Variants in PCSK5 observed in about 807,000 individuals in gnomAD.
PCSK5 encodes prohormone convertase 5.
A neutral mutation model predicts 233.2 loss-of-function variants in PCSK5; 129 were observed. That is an observed-to-expected ratio of 0.55 (90% CI 0.48 to 0.64). The LOEUF (loss-of-function observed/expected upper bound fraction) is 0.64, where lower values mean the gene tolerates loss of function less well. PCSK5 is among the 30% of genes least tolerant of loss of function. The pLI is 0.00. For synonymous variants in PCSK5, 825 were observed against 879.2 expected, an observed-to-expected ratio of 0.94 and a Z score of 1.09; for missense variants, 2,076 against 2,430.1, an observed-to-expected ratio of 0.85 and a Z score of 3.06.
intron 5 of PCSK5, among the ~76,000 whole-genome samples, chr9:76,041,623 C>G (rs571184098): frequency 6.6e-6 from 1 of 152,004 alleles, no homozygotes; most frequent in Non-Finnish European, 1.5e-5. Context: ...GGGCGGATCA[C>G]GAGGTCAAGA....
At chr9:75,992,251 T>C (rs1826799597) in intron 3 of PCSK5, among the ~76,000 whole-genome samples, 1 of 152,332 alleles carries the variant, frequency 6.6e-6, no homozygotes, top group Admixed American at 6.5e-5. Context: ...CGAAATACAT[T>C]GAGGGGTTTC....
In PCSK5 at chr9:76,027,047, A is replaced by C. The variant is rs746672073; in HGVS notation, c.632+10A>C. The C allele has an allele frequency of 1.4e-5, 22 of 1,586,518 alleles. No individual in the cohort carries two copies. The highest frequency in any genetic ancestry group is 3.3e-4 in the Middle Eastern group (2 of 6,018). On this transcript the variant is annotated intron_variant, in intron 5 of 37. Coordinates refer to ENST00000674117, the MANE Select transcript of PCSK5 (RefSeq NM_001372043.1). ...CAAGCAACGAGAACAAGTAAGGCCC[A>C]AGTGAGGGGTGGCTGGCATGTGGCT...
chr9:76,341,045 T>A (rs1317248284), intron 35 of PCSK5, among the ~76,000 whole-genome samples: 1 of 138,396 alleles, frequency 7.2e-6, no homozygotes, highest in Non-Finnish European at 1.6e-5. Context: ...CGAAATCCTG[T>A]TTCTACAGAA....
intron 9 of PCSK5, among the ~76,000 whole-genome samples, chr9:76,127,872 CAG>C (rs899386811): frequency 1.7e-5 from 2 of 115,978 alleles, no homozygotes; most frequent in African/African-American, 5.7e-5. Context: ...GCTGAGGAAA[CAG>C]AGACTTTCAA....
intron 2 of PCSK5, among the ~76,000 whole-genome samples, chr9:75,947,670 C>T (rs546122389): frequency 1.3e-5 from 2 of 152,280 alleles, no homozygotes; most frequent in South Asian, 4.2e-4. Flanking sequence ...CAGACTTACT[C>T]CTGGCAGTCA....
In PCSK5 at chr9:76,188,561, C is replaced by T. The variant is rs1351933103; in HGVS notation, c.2283-17C>T. 3.8e-6 allele frequency: 6 copies of T among 1,580,076 alleles called. No homozygotes were observed. The highest frequency in any genetic ancestry group is 3.3e-5 in the South Asian group (3 of 90,498). On this transcript the variant is annotated splice_polypyrimidine_tract_variant and intron_variant, in intron 17 of 37. Coordinates refer to ENST00000674117, the MANE Select transcript of PCSK5 (RefSeq NM_001372043.1). ...ATCACAACAGTCTGTTTGAAGCTCC[C>T]TTTATACTTCTTCCAGCCTGCAGGG... is the stretch of plus-strand genomic sequence containing the variant.
At chr9:76,172,898 T>A (rs969050371) in intron 13 of PCSK5, among the ~76,000 whole-genome samples, 1 of 152,132 alleles carries the variant, frequency 6.6e-6, no homozygotes, top group African/African-American at 2.4e-5. Context: ...AAACCATACA[T>A]AAACCGATTG....
At chr9:76,195,535 A>C (rs531590579) in intron 20 of PCSK5, 2 of 152,328 alleles carry the variant, frequency 1.3e-5, no homozygotes, top group African/African-American at 4.8e-5. Flanking sequence ...TCTACATAAC[A>C]TTATTAACTA....
At chr9:76,179,724 C>T (rs753885439) in intron 15 of PCSK5, 26 bp downstream of exon 15, 2 of 1,481,250 alleles carry the variant, frequency 1.4e-6, no homozygotes, top group East Asian at 2.3e-5. Context: ...AGTCACATCC[C>T]CACAGCATGT....
chr9:76,065,396 A>C (rs1313124037), intron 5 of PCSK5, among the ~76,000 whole-genome samples: 1 of 152,058 alleles, frequency 6.6e-6, no homozygotes, highest in Non-Finnish European at 1.5e-5. Flanking sequence ...GCTGATTTGC[A>C]TTTCCCAGAT....
chr9:76,078,923 A>AT (rs1208857799), intron 7 of PCSK5, among the ~76,000 whole-genome samples: 2 of 152,196 alleles, frequency 1.3e-5, no homozygotes, highest in Non-Finnish European at 2.9e-5. Flanking sequence ...CAGTGTGGCC[A>AT]TTTTAACAAT....
intron 21 of PCSK5, among the ~76,000 whole-genome samples, chr9:76,231,402 G>A (rs1271600547): frequency 1.3e-5 from 2 of 152,148 alleles, no homozygotes; most frequent in African/African-American, 4.8e-5. Flanking sequence ...AAATGACAGT[G>A]CCTAGTGCCA....
chr9:76,098,905 AG>A (rs1831644671), intron 8 of PCSK5, among the ~76,000 whole-genome samples: 2 of 152,184 alleles, frequency 1.3e-5, no homozygotes, highest in Admixed American at 1.3e-4. Context: ...CTCCCATGGC[AG>A]GGGTGTCATT....
chr9:76,251,439 CT>C (rs1296399215), intron 24 of PCSK5, among the ~76,000 whole-genome samples: 1 of 151,676 alleles, frequency 6.6e-6, no homozygotes, highest in East Asian at 1.9e-4. Flanking sequence ...TGGCACGCAC[CT>C]GTAATCCCAG....
At chr9:75,932,341 C>CT (rs757546069) in intron 1 of PCSK5, 38 bp from the exon 2 acceptor site, 96 of 1,269,056 alleles carry the variant, frequency 7.6e-5, no homozygotes, top group African/African-American at 8.9e-5. Flanking sequence ...ACATTAATGT[C>CT]TTTTTTTTGT....
chr9:76,193,351 G>A (rs1373112071), intron 20 of PCSK5: 3 of 1,606,976 alleles, frequency 1.9e-6, no homozygotes, highest in East Asian at 2.2e-5. Context: ...TTTCAAGGCT[G>A]AGCAGCCATC....
chr9:76,004,300 A>G (rs1827386589), intron 3 of PCSK5, among the ~76,000 whole-genome samples: 1 of 152,028 alleles, frequency 6.6e-6, no homozygotes, highest in Non-Finnish European at 1.5e-5. Context: ...TTTTTAGCAT[A>G]AAATCTACCT....
At chr9:76,039,932 A>G (rs1189585121) in intron 5 of PCSK5, among the ~76,000 whole-genome samples, 1 of 152,238 alleles carries the variant, frequency 6.6e-6, no homozygotes, top group African/African-American at 2.4e-5. Flanking sequence ...CTCGAATGGC[A>G]TTAGCGCCTC....
chr9:75,935,243 A>G (rs1014378188), intron 2 of PCSK5, among the ~76,000 whole-genome samples: 5 of 151,900 alleles, frequency 3.3e-5, no homozygotes, highest in African/African-American at 1.2e-4. Context: ...AATTTTTTGT[A>G]TTTTTAGTAG....
Sources: allele counts gnomAD v4.1 joint callset (sites outside exome capture counted in the v4.1 genomes callset), GRCh38; gene constraint gnomAD v4.1.1; transcripts MANE v1.5; gene names NCBI Gene and HGNC (gene_info 2026-07-23, HGNC 2026-07-21).